SLA: variants seen among roughly 807,000 people sequenced by gnomAD.
SLA encodes the protein src-like-adapter.
Under a neutral mutation model 30.3 loss-of-function variants are expected in SLA, and 16 were observed. The observed-to-expected ratio is 0.53, with a 90% confidence interval of 0.36 to 0.80. The LOEUF (loss-of-function observed/expected upper bound fraction) is 0.80. Ranked by LOEUF, SLA falls within the 30% of genes least tolerant of loss-of-function variation. The pLI is 0.01. For missense variants in SLA, 310 were observed against 345.2 expected (o/e 0.90, Z 0.81); for synonymous variants, 143 against 137.8 (o/e 1.04, Z -0.26).
intron 1 of SLA, among the ~76,000 whole-genome samples, chr8:133,100,086 A>G (rs1849014108): frequency 6.6e-6 from 1 of 152,168 alleles, no homozygotes; most frequent in African/African-American, 2.4e-5. Context: ...TAGCTCTCTG[A>G]CCTTAACTCC....
chr8:133,060,038 A>G, intron 3 of SLA, 62 bp downstream of exon 3: 1 of 1,493,770 alleles, frequency 6.7e-7, no homozygotes, highest in Non-Finnish European at 8.9e-7. Flanking sequence ...ACCACCGCCC[A>G]GTCTTTACCA....
chr8:133,078,786 T>G (rs1332323232), intron 1 of SLA, among the ~76,000 whole-genome samples: 1 of 152,188 alleles, frequency 6.6e-6, no homozygotes, highest in Non-Finnish European at 1.5e-5. Context: ...CTATTGTAAA[T>G]TTCGTGTATG....
chr8:133,065,099 G>T (rs1279930347), intron 2 of SLA, among the ~76,000 whole-genome samples: 1 of 152,172 alleles, frequency 6.6e-6, no homozygotes, highest in East Asian at 1.9e-4. Context: ...CTAAGGCATG[G>T]AAGTGTGGTG....
At chr8:133,062,483 G>A (rs1208305843) in intron 2 of SLA, among the ~76,000 whole-genome samples, 1 of 152,264 alleles carries the variant, frequency 6.6e-6, no homozygotes, top group East Asian at 1.9e-4. Flanking sequence ...CCCGGTGCCG[G>A]GCCCTGGGCT....
At chr8:133,039,533 A>G (rs1474544733) in intron 8 of SLA, among the ~76,000 whole-genome samples, 1 of 152,218 alleles carries the variant, frequency 6.6e-6, no homozygotes, top group African/African-American at 2.4e-5. Context: ...CAGGCTGACA[A>G]TGGAATAAAC....
intron 2 of SLA, among the ~76,000 whole-genome samples, chr8:133,070,840 A>G (rs1046264557): frequency 1.3e-5 from 2 of 152,200 alleles, no homozygotes; most frequent in African/African-American, 4.8e-5. Context: ...ACCGTGGTGA[A>G]GTTGTCCCTT....
chr8:133,045,170 C>T (rs1321686736), intron 6 of SLA, 55 bp from the exon 7 acceptor site: 1 of 1,599,926 alleles, frequency 6.3e-7, no homozygotes, highest in Non-Finnish European at 8.5e-7. Flanking sequence ...CCCCAAGGCA[C>T]CCAGCTAACC....
chr8:133,048,308 C>T (rs1157285168), intron 5 of SLA, among the ~76,000 whole-genome samples: 1 of 152,108 alleles, frequency 6.6e-6, no homozygotes, highest in Non-Finnish European at 1.5e-5. Context: ...GCATCCTCCA[C>T]CTTCCAGGTT....
At chr8:133,085,739 A>C (rs1232937948) in intron 1 of SLA, among the ~76,000 whole-genome samples, 3 of 152,260 alleles carry the variant, frequency 2.0e-5, no homozygotes, top group Non-Finnish European at 2.9e-5. Context: ...TGAAGATATG[A>C]AGAAGTAAAA....
Position 133,081,400 on chromosome 8 carries a change from T to A in SLA, c.-318-6270A>T, listed in dbSNP as rs558430920. ...GACAATAAGCTAACTATGAAAACCA[T>A]CTGGGGGGAGAGCAGACCCTATTGT... On this transcript the variant is annotated intron_variant, in intron 1 of 8. Coordinates refer to ENST00000338087, the MANE Select transcript of SLA (RefSeq NM_001045556.3). Among the ~76,000 whole-genome samples, 4 of 152,326 alleles carry A rather than the reference T, an allele frequency of 2.6e-5. No homozygotes were observed. In the South Asian group the frequency reaches 8.3e-4, roughly 32 times the overall value.
At chr8:133,062,851 T>TA (rs1347394035) in intron 2 of SLA, among the ~76,000 whole-genome samples, 1 of 152,174 alleles carries the variant, frequency 6.6e-6, no homozygotes, top group East Asian at 1.9e-4. Flanking sequence ...CAGGGTGTCT[T>TA]ACACAGGTCT....
intron 2 of SLA, among the ~76,000 whole-genome samples, chr8:133,070,198 T>A (rs564502682): frequency 6.6e-6 from 1 of 152,242 alleles, no homozygotes; most frequent in Admixed American, 6.5e-5. Context: ...CCCACCATGC[T>A]GACTTCCAGT....
At chr8:133,041,068 C>T (rs1296986587) in intron 7 of SLA, among the ~76,000 whole-genome samples, 1 of 152,176 alleles carries the variant, frequency 6.6e-6, no homozygotes, top group African/African-American at 2.4e-5. Context: ...CTGTACTCAG[C>T]CATCTTAGAG....
chr8:133,078,363 T>C (rs1261365446), intron 1 of SLA, among the ~76,000 whole-genome samples: 1 of 152,198 alleles, frequency 6.6e-6, no homozygotes, highest in East Asian at 1.9e-4. Context: ...GGAGGTGGAC[T>C]TCTCACAACA....
chr8:133,092,212 G>C (rs546044740), intron 1 of SLA, among the ~76,000 whole-genome samples: 18 of 152,332 alleles, frequency 1.2e-4, no homozygotes, highest in Non-Finnish European at 2.4e-4. Context: ...GGTTGTGTGT[G>C]TGGATATGTG....
At chr8:133,046,265 A>G (rs1333632144) in intron 6 of SLA, among the ~76,000 whole-genome samples, 6 of 152,242 alleles carry the variant, frequency 3.9e-5, no homozygotes, top group Non-Finnish European at 5.9e-5. Context: ...AGCAATTGCC[A>G]TGAAATCTCT....
intron 5 of SLA, chr8:133,048,523 G>T (rs1839878849): frequency 6.5e-6 from 1 of 154,412 alleles, no homozygotes; most frequent in African/African-American, 2.4e-5. Context: ...GCTCAGCCCT[G>T]CTCTTCCTAT....
At position 133,095,093 on chromosome 8, in the gene SLA, A is replaced by C. The variant is rs749843868; in HGVS notation, c.-319+7460T>G. On this transcript the variant is annotated intron_variant, in intron 1 of 8. Transcript: ENST00000338087. ...GCCGTCATCAGCCATGAGAGGGCTC[A>C]GCAGCAGGCAATTGCTTTGGCAAAG... 55 of 1,614,112 alleles carry C rather than the reference A, an allele frequency of 3.4e-5. No homozygotes were observed. In the Admixed American group the frequency reaches 9.2e-4, roughly 27 times the overall value.
intron 1 of SLA, among the ~76,000 whole-genome samples, chr8:133,078,646 G>A (rs2702973): frequency 0.46 from 70,253 of 152,010 alleles, 16,637 homozygotes; most frequent in African/African-American, 0.53. Context: ...TAACTGTACT[G>A]TGTGCCAGGC....
Sources: gnomAD v4.1 joint callset for allele counts (sites outside exome capture counted in the v4.1 genomes callset) on GRCh38, gnomAD v4.1.1 for gene constraint, MANE v1.5 for transcripts, NCBI Gene and HGNC (gene_info 2026-07-23, HGNC 2026-07-21) for gene names.